The following CCPG1 variants were observed in gnomAD, a reference collection of about 807,000 sequenced individuals.
CCPG1 encodes cell cycle progression 1.
Under a neutral mutation model 81.3 loss-of-function variants are expected in CCPG1, and 46 were observed. That is an observed-to-expected ratio of 0.57 (90% CI 0.45 to 0.72). The LOEUF (loss-of-function observed/expected upper bound fraction) is 0.72. CCPG1 is among the 30% of genes least tolerant of loss of function. The probability of loss-of-function intolerance (pLI) is 0.00; values close to 1 mark genes in which losing one functional copy is unlikely to be tolerated. For synonymous variants in CCPG1, 330 were observed against 305.2 expected (o/e 1.08, Z -0.85); for missense variants, 902 against 937.6 (o/e 0.96, Z 0.50).
intron 3 of CCPG1, among the ~76,000 whole-genome samples, chr15:55,382,701 G>C (rs894012184): frequency 6.6e-6 from 1 of 151,940 alleles, no homozygotes; most frequent in Non-Finnish European, 1.5e-5. Flanking sequence ...AGTAGAGATG[G>C]GATTTCACCG....
chr15:55,367,601 A>AG (rs1464727878), intron 6 of CCPG1, among the ~76,000 whole-genome samples: 1 of 132,542 alleles, frequency 7.5e-6, no homozygotes, highest in Non-Finnish European at 1.6e-5. Context: ...CCAGCTGTGT[A>AG]GGGGGCCTGT....
chr15:55,364,112 T>C (rs932293794), intron 7 of CCPG1, among the ~76,000 whole-genome samples: 1 of 150,438 alleles, frequency 6.6e-6, no homozygotes, highest in African/African-American at 2.4e-5. Context: ...CACCCAGACA[T>C]AGCTTATTTT....
At chr15:55,370,411 T>C (rs1020677253) in intron 6 of CCPG1, among the ~76,000 whole-genome samples, 1 of 152,238 alleles carries the variant, frequency 6.6e-6, no homozygotes, top group African/African-American at 2.4e-5. Context: ...CCTTTTAAAG[T>C]GTCTCTACCC....
intron 1 of CCPG1, among the ~76,000 whole-genome samples, chr15:55,399,417 C>CAAAAAAAA (rs56191750): frequency 4.0e-4 from 25 of 63,122 alleles, no homozygotes; most frequent in East Asian, 6.5e-4. Flanking sequence ...ACTAAAAATA[C>CAAAAAAAA]AAAAAAAAAA....
chr15:55,401,326 G>C (rs961015749), intron 1 of CCPG1, among the ~76,000 whole-genome samples: 1 of 152,126 alleles, frequency 6.6e-6, no homozygotes, highest in Non-Finnish European at 1.5e-5. Flanking sequence ...CTATGGTACT[G>C]ATGGCTTTCT....
chr15:55,359,385 TC>T, intron 8 of CCPG1, 153 bp downstream of exon 8: 1 of 1,407,760 alleles, frequency 7.1e-7, no homozygotes. Context: ...ATTTTTAGAC[TC>T]CATCTTTCAA....
At chr15:55,406,450 G>GTTTTTTTTTTTTTTTTTTTTTTTTGT (rs751788415) in intron 1 of CCPG1, among the ~76,000 whole-genome samples, 1 of 89,068 alleles carries the variant, frequency 1.1e-5, no homozygotes, top group Non-Finnish European at 2.4e-5. Context: ...TTTTTTTTTT[G>GTTTTTTTTTTTTTTTTTTTTTTTTGT]TTTTTTTTTT....
chr15:55,363,500 A>C (rs559069616), intron 7 of CCPG1, among the ~76,000 whole-genome samples: 5 of 150,752 alleles, frequency 3.3e-5, no homozygotes, highest in Admixed American at 6.6e-5. Flanking sequence ...GGCATCTTCT[A>C]ATACAGGTAG....
At chr15:55,403,489 G>A (rs1032957650) in intron 1 of CCPG1, among the ~76,000 whole-genome samples, 1 of 151,806 alleles carries the variant, frequency 6.6e-6, no homozygotes, top group Non-Finnish European at 1.5e-5. Flanking sequence ...TACTTCCTCA[G>A]GTAATTCTAT....
intron 5 of CCPG1, chr15:55,372,941 T>A (rs539846581): frequency 5.6e-6 from 3 of 534,598 alleles, no homozygotes; most frequent in Admixed American, 3.9e-5. Context: ...AGAAGTCAGA[T>A]GAGCCCTTCC....
At chr15:55,374,016 C>A in intron 5 of CCPG1, 1 of 341,376 alleles carries the variant, frequency 2.9e-6, no homozygotes, top group Non-Finnish European at 5.4e-6. Context: ...TAAGCTTGGC[C>A]AGCTCCTTTA....
At chr15:55,393,448 G>GT (rs894917633) in intron 1 of CCPG1, among the ~76,000 whole-genome samples, 25 of 151,560 alleles carry the variant, frequency 1.6e-4, no homozygotes, top group African/African-American at 4.4e-4. Context: ...TCAAAAAAAT[G>GT]TTTTTTTTCA....
chr15:55,370,605 G>A (rs1160834194), intron 6 of CCPG1, among the ~76,000 whole-genome samples: 5 of 152,148 alleles, frequency 3.3e-5, no homozygotes, highest in South Asian at 2.1e-4. Context: ...GGCTGGGTGC[G>A]GTGGCTCACG....
At chr15:55,366,931 C>T (rs901681423) in intron 6 of CCPG1, among the ~76,000 whole-genome samples, 2 of 152,192 alleles carry the variant, frequency 1.3e-5, no homozygotes, top group African/African-American at 4.8e-5. Context: ...CTTAACATTA[C>T]ATCTACTGAG....
chr15:55,355,457 C>G lies in CCPG1; in HGVS notation c.*763G>C, dbSNP rs1219528152. 4.4e-6 allele frequency: 7 copies of G among 1,581,266 alleles called. No individual in the cohort carries two copies. Among genetic ancestry groups the G allele is most frequent in the Non-Finnish European group, 5.2e-6 (6 of 1,158,950 alleles). Reference sequence around the variant, plus strand: ...AACTTTCCTAGATAAATTAACATTGCTGGGTGGAAATATTCAGATGCTGCT... The same window carrying G: ...AACTTTCCTAGATAAATTAACATTGGTGGGTGGAAATATTCAGATGCTGCT... On this transcript the variant is annotated 3_prime_UTR_variant, in exon 9 of 9. Transcript: ENST00000442196.
chr15:55,361,022 C>T (rs778797219), intron 7 of CCPG1, 78 bp from the exon 8 acceptor site: 87 of 1,380,142 alleles, frequency 6.3e-5, no homozygotes, highest in Non-Finnish European at 7.9e-5. Flanking sequence ...AGATATAATA[C>T]CCCATAAGCT....
Position 55,360,364 on chromosome 15 carries a change from CCT to C in CCPG1, c.1407_1408del (p.Gly471GlnfsTer7). 1 of 1,613,864 alleles carries C rather than the reference CCT, an allele frequency of 6.2e-7. No individual in the cohort carries two copies. Among genetic ancestry groups the C allele is most frequent in the Non-Finnish European group, 8.5e-7 (1 of 1,180,002 alleles). ...TTTAGCCCTGTGGCTTCCTCTGCCC[CCT>C]TTCTTTTTTCCATCTGTTCCTTGTT... is the stretch of plus-strand genomic sequence containing the variant. On this transcript the variant is annotated frameshift_variant, in exon 8 of 9. Transcript: ENST00000442196. LOFTEE classifies it high-confidence loss of function.
rs755305503 is a variant in CCPG1, at chr15:55,359,600, A to G, written c.2173T>C (p.Leu725=). The change falls in exon 8 of 9, where the codon TTG becomes CTG. Residue 725 remains leucine (L), a synonymous_variant. Coordinates refer to ENST00000442196, the MANE Select transcript of CCPG1 (RefSeq NM_001204450.2). ...AAGTGTCTATATATATATTCATCCA[A>G]CTTCTCAAATACTCCATCATTATCT... The part of the protein sequence containing the change: ...EVDNDGVFEK[L]DEYIYRHFFG... The G allele has an allele frequency of 1.1e-5, 18 of 1,613,246 alleles. No homozygotes were observed. The highest frequency in any genetic ancestry group is 3.3e-4 in the Middle Eastern group (2 of 6,054).
At chr15:55,382,968 T>C (rs79158506) in intron 3 of CCPG1, among the ~76,000 whole-genome samples, 7,915 of 152,266 alleles carry the variant, frequency 0.052, 306 homozygotes, top group South Asian at 0.1. Context: ...CAAATCACAA[T>C]TGTTCTTAAA....
Sources: allele counts gnomAD v4.1 joint callset (sites outside exome capture counted in the v4.1 genomes callset), GRCh38; gene constraint gnomAD v4.1.1; transcripts MANE v1.5; gene names NCBI Gene and HGNC (gene_info 2026-07-23, HGNC 2026-07-21).